SPAG16: variants seen among roughly 807,000 people sequenced by gnomAD.
SPAG16 encodes sperm-associated antigen 16 protein.
A neutral mutation model predicts 80.4 loss-of-function variants in SPAG16; 86 were observed. That is an observed-to-expected ratio of 1.07 (90% CI 0.90 to 1.28). The LOEUF is 1.28. Ranked by LOEUF, SPAG16 falls within the 50% of genes most tolerant of loss-of-function variation. The probability of loss-of-function intolerance (pLI) is 0.00; values close to 1 mark genes in which losing one functional copy is unlikely to be tolerated. For synonymous variants in SPAG16, 294 were observed against 265.9 expected, an observed-to-expected ratio of 1.11 and a Z score of -1.03; for missense variants, 870 against 765.3, an observed-to-expected ratio of 1.14 and a Z score of -1.61.
At chr2:213,904,086 A>C (rs979331117) in intron 11 of SPAG16, among the ~76,000 whole-genome samples, 5 of 152,156 alleles carry the variant, frequency 3.3e-5, no homozygotes, top group Admixed American at 3.3e-4. Flanking sequence ...GGGAAGTTCT[A>C]AATTTTCCCA....
At chr2:213,629,788 G>A (rs1000607993) in intron 10 of SPAG16, among the ~76,000 whole-genome samples, 5 of 152,172 alleles carry the variant, frequency 3.3e-5, no homozygotes, top group Non-Finnish European at 4.4e-5. Flanking sequence ...TTATTGGAAG[G>A]GAGTAGCCAG....
At chr2:214,146,934 G>A (rs1417807672) in intron 14 of SPAG16, among the ~76,000 whole-genome samples, 25 of 151,608 alleles carry the variant, frequency 1.6e-4, no homozygotes, top group Admixed American at 1.3e-3. Flanking sequence ...CCCGGGAGAC[G>A]GACATTGCAG....
chr2:213,645,234 C>G (rs772949088), intron 10 of SPAG16, among the ~76,000 whole-genome samples: 8 of 152,152 alleles, frequency 5.3e-5, no homozygotes, highest in African/African-American at 9.7e-5. Context: ...TGGACTGGAA[C>G]TCAGCTTTTA....
chr2:214,216,765 G>A (rs1007416639), intron 15 of SPAG16, among the ~76,000 whole-genome samples: 22 of 152,176 alleles, frequency 1.4e-4, no homozygotes, highest in Non-Finnish European at 2.4e-4. Flanking sequence ...ACAACTTCAT[G>A]TTAATTATAG....
At chr2:214,312,605 G>T (rs1037799118) in intron 15 of SPAG16, among the ~76,000 whole-genome samples, 2 of 152,040 alleles carry the variant, frequency 1.3e-5, no homozygotes, top group Non-Finnish European at 2.9e-5. Context: ...ACCTCCATGT[G>T]CCCTAACCTG....
chr2:214,164,019 T>C (rs1434719459), intron 15 of SPAG16, among the ~76,000 whole-genome samples: 1 of 152,132 alleles, frequency 6.6e-6, no homozygotes, highest in African/African-American at 2.4e-5. Context: ...ATATGTACAA[T>C]GGCCTATCCA....
At position 213,847,522 on chromosome 2, in the gene SPAG16, A is replaced by G. The variant is rs1299897079; in HGVS notation, c.1071-14963A>G. Reference sequence around the variant, plus strand: ...AAACAACCAGATCTCATGTGAACTAAGAGGGAGAGCTCACTTAGCACCAAA... The same window carrying G: ...AAACAACCAGATCTCATGTGAACTAGGAGGGAGAGCTCACTTAGCACCAAA... On this transcript the variant is annotated intron_variant, in intron 10 of 15. Transcript: ENST00000331683. Among the ~76,000 whole-genome samples the G allele has an allele frequency of 2.0e-5, 3 of 152,160 alleles. No homozygotes were observed. The East Asian group carries it at 5.8e-4, about 29-fold the overall frequency.
chr2:213,804,613 G>T (rs1049829452), intron 10 of SPAG16, among the ~76,000 whole-genome samples: 9 of 152,158 alleles, frequency 5.9e-5, no homozygotes, highest in Admixed American at 2.0e-4. Context: ...AACCCTGGAG[G>T]CGGAGCTTGC....
At chr2:213,297,239 C>T (rs2062540173) in intron 2 of SPAG16, 23 bp from the exon 3 acceptor site, 1 of 1,568,608 alleles carries the variant, frequency 6.4e-7, no homozygotes, top group East Asian at 2.2e-5. Flanking sequence ...CTCTTCCTAT[C>T]CTTCTCTTTC....
At chr2:213,696,424 G>T (rs1333291213) in intron 10 of SPAG16, among the ~76,000 whole-genome samples, 1 of 152,102 alleles carries the variant, frequency 6.6e-6, no homozygotes, top group East Asian at 1.9e-4. Flanking sequence ...GTAAAGCCAT[G>T]GGACTAAGTG....
At chr2:213,960,003 T>C (rs2044333972) in intron 12 of SPAG16, among the ~76,000 whole-genome samples, 1 of 152,226 alleles carries the variant, frequency 6.6e-6, no homozygotes, top group African/African-American at 2.4e-5. Context: ...CTCTTTTCCT[T>C]ACAGTATTCC....
chr2:213,917,290 A>T (rs185317979), intron 11 of SPAG16, among the ~76,000 whole-genome samples: 23 of 152,066 alleles, frequency 1.5e-4, no homozygotes, highest in African/African-American at 5.3e-4. Context: ...GAATTTTAAA[A>T]TATTTTCTAA....
chr2:214,065,739 C>G (rs1004840706), intron 13 of SPAG16, among the ~76,000 whole-genome samples: 1 of 152,100 alleles, frequency 6.6e-6, no homozygotes, highest in Admixed American at 6.6e-5. Flanking sequence ...ATGTGAGGGC[C>G]TGGTTAAAAT....
chr2:213,456,061 C>T (rs1331217330), intron 9 of SPAG16, among the ~76,000 whole-genome samples: 1 of 152,232 alleles, frequency 6.6e-6, no homozygotes, highest in African/African-American at 2.4e-5. Context: ...CCTTGCCTCT[C>T]ATGTTTTCTG....
At chr2:214,004,338 G>A (rs1289050158) in intron 12 of SPAG16, among the ~76,000 whole-genome samples, 1 of 152,092 alleles carries the variant, frequency 6.6e-6, no homozygotes, top group East Asian at 1.9e-4. Flanking sequence ...AGTAGAGTCA[G>A]GGTAGCAAAA....
intron 13 of SPAG16, among the ~76,000 whole-genome samples, chr2:214,054,531 CT>C (rs1469236510): frequency 6.6e-6 from 1 of 152,034 alleles, no homozygotes; most frequent in East Asian, 1.9e-4. Flanking sequence ...TTTCTGAGGC[CT>C]AACAGACCCC....
chr2:213,626,558 C>T lies in SPAG16; in HGVS notation c.1070+136468C>T, dbSNP rs1421846582. On this transcript the variant is annotated intron_variant, in intron 10 of 15. Coordinates refer to ENST00000331683, the MANE Select transcript of SPAG16 (RefSeq NM_024532.5). ...AAATTTAAATTTAGACAGTCTTGCT[C>T]TAGAATCACTGCTGTGTGAATCTGT... Among the ~76,000 whole-genome samples the T allele has an allele frequency of 2.0e-5, 3 of 151,482 alleles. No homozygotes were observed. In the East Asian group the frequency reaches 5.8e-4, roughly 29 times the overall value.
chr2:214,097,351 T>A (rs2052659809), intron 13 of SPAG16, among the ~76,000 whole-genome samples: 1 of 152,076 alleles, frequency 6.6e-6, no homozygotes, highest in Admixed American at 6.6e-5. Context: ...GATAAATTAT[T>A]TTGTAAAAAT....
intron 10 of SPAG16, among the ~76,000 whole-genome samples, chr2:213,763,391 C>A (rs575296671): frequency 6.6e-6 from 1 of 152,124 alleles, no homozygotes; most frequent in East Asian, 1.9e-4. Context: ...TGTGGATGAA[C>A]CTTAAGGGCA....
Sources: allele counts gnomAD v4.1 joint callset (sites outside exome capture counted in the v4.1 genomes callset), GRCh38; gene constraint gnomAD v4.1.1; transcripts MANE v1.5; gene names NCBI Gene and HGNC (gene_info 2026-07-23, HGNC 2026-07-21).